The following GXYLT2 variants were observed in gnomAD, a reference collection of about 807,000 sequenced individuals.
The protein encoded by GXYLT2 is glucoside xylosyltransferase 2.
GXYLT2 carries 53 observed loss-of-function variants against 45.8 expected under a neutral mutation model. The observed-to-expected ratio is 1.16, with a 90% CI of 0.93 to 1.46. The LOEUF (loss-of-function observed/expected upper bound fraction) is 1.46. Ranked by LOEUF, GXYLT2 falls within the 40% of genes most tolerant of loss-of-function variation. The pLI, the probability that GXYLT2 is intolerant of heterozygous loss-of-function variation, is 0.00. For missense variants in GXYLT2, 551 were observed against 544.4 expected, an observed-to-expected ratio of 1.01 and a Z score of -0.12; for synonymous variants, 219 against 214.2, an observed-to-expected ratio of 1.02 and a Z score of -0.19.
chr3:72,953,045 C>G (rs191387028), intron 3 of GXYLT2, among the ~76,000 whole-genome samples: 151 of 152,128 alleles, frequency 9.9e-4, no homozygotes, highest in Admixed American at 2.2e-3. Flanking sequence ...CTCAAATCAC[C>G]CAGCAAAGCT....
chr3:72,933,131 G>A (rs972826357), intron 3 of GXYLT2, among the ~76,000 whole-genome samples: 3 of 152,050 alleles, frequency 2.0e-5, no homozygotes, highest in African/African-American at 7.3e-5. Context: ...ATTTTTTTAG[G>A]ACTGATATGT....
chr3:72,912,628 G>T (rs1709654690), intron 2 of GXYLT2, among the ~76,000 whole-genome samples: 2 of 152,120 alleles, frequency 1.3e-5, no homozygotes, highest in Admixed American at 1.3e-4. Context: ...TACAGCTTCT[G>T]CCTGGCTCTT....
intron 2 of GXYLT2, among the ~76,000 whole-genome samples, chr3:72,913,931 A>G (rs944348633): frequency 3.3e-5 from 5 of 152,078 alleles, no homozygotes; most frequent in African/African-American, 1.2e-4. Flanking sequence ...TCCCACAAAG[A>G]TTCTCTGGAA....
At chr3:72,924,613 A>G (rs942905999) in intron 3 of GXYLT2, among the ~76,000 whole-genome samples, 1 of 152,156 alleles carries the variant, frequency 6.6e-6, no homozygotes, top group African/African-American at 2.4e-5. Flanking sequence ...CAGCGCAGAC[A>G]GGGTTGGTGA....
At chr3:72,920,818 ATT>A (rs11314689) in intron 2 of GXYLT2, among the ~76,000 whole-genome samples, 24 of 137,890 alleles carry the variant, frequency 1.7e-4, no homozygotes, top group African/African-American at 3.5e-4. Flanking sequence ...ATATATATGT[ATT>A]TTTTTTTTTT....
chr3:72,888,344 G>T lies in GXYLT2; in HGVS notation c.111G>T (p.Ala37=). 2.0e-6 allele frequency: 2 copies of T among 983,458 alleles called. No homozygotes were observed. The highest frequency in any genetic ancestry group is 2.4e-6 in the Non-Finnish European group (2 of 830,412). The allele number at this position is 983,458 out of a possible 1,614,324, so 60.9% of individuals were successfully genotyped here. A position where few individuals can be genotyped will look rare whatever the true frequency, so the allele number is the denominator to read the frequency against. ...GCGCTGAGCCCCCAGCGCTGCCCGC[G>T]CGCCCCGCGTCCGCCCCGCAGCGCC... The part of the protein sequence containing the change: ...AGRAEPPALP[A]RPASAPQRHP... The change falls in exon 1 of 7, where the codon GCG becomes GCT. Residue 37 remains alanine, a synonymous_variant. Transcript: ENST00000389617.
At chr3:72,923,761 G>A (rs1423459098) in intron 3 of GXYLT2, among the ~76,000 whole-genome samples, 2 of 152,124 alleles carry the variant, frequency 1.3e-5, no homozygotes, top group South Asian at 4.1e-4. Context: ...GTTCCATCCT[G>A]GTCTGAGAGA....
intron 2 of GXYLT2, among the ~76,000 whole-genome samples, chr3:72,915,329 A>C: frequency 1.0e-5 from 1 of 98,798 alleles, no homozygotes; most frequent in East Asian, 3.6e-4. Context: ...CCTCTTCGTT[A>C]CCCATTTCCT....
At chr3:72,947,791 A>G (rs1710439788) in intron 3 of GXYLT2, among the ~76,000 whole-genome samples, 2 of 152,102 alleles carry the variant, frequency 1.3e-5, no homozygotes, top group Non-Finnish European at 2.9e-5. Flanking sequence ...AACAGGAGCA[A>G]AACTCCATCT....
intron 6 of GXYLT2, among the ~76,000 whole-genome samples, chr3:72,968,244 T>C (rs1227370108): frequency 6.6e-6 from 1 of 152,088 alleles, no homozygotes; most frequent in Non-Finnish European, 1.5e-5. Context: ...AAAATGTTGG[T>C]ATTACAGGTG....
In GXYLT2 at chr3:72,976,430, CA is replaced by C. The variant is rs1711104677; in HGVS notation, c.*1272del. On this transcript the variant is annotated 3_prime_UTR_variant, in exon 7 of 7. Coordinates refer to ENST00000389617, the MANE Select transcript of GXYLT2 (RefSeq NM_001080393.2). ...AAACTCTTGGGCAATGGGTGGAAATCAGAGACCAACTTCAAATTTAATGTGT... is the reference window on the plus strand; with the variant it reads ...AAACTCTTGGGCAATGGGTGGAAATCGAGACCAACTTCAAATTTAATGTGT... The C allele has an allele frequency of 6.6e-6, 1 of 152,176 alleles. No homozygotes were observed. Among genetic ancestry groups the C allele is most frequent in the African/African-American group, 2.4e-5 (1 of 41,428 alleles). The allele number at this position is 152,176 out of a possible 1,614,324, so 9.4% of individuals were successfully genotyped here. A position where few individuals can be genotyped will look rare whatever the true frequency, so the allele number is the denominator to read the frequency against.
chr3:72,942,331 T>C (rs1303463760), intron 3 of GXYLT2, among the ~76,000 whole-genome samples: 2 of 152,140 alleles, frequency 1.3e-5, no homozygotes, highest in African/African-American at 2.4e-5. Context: ...CTCTTCCTTA[T>C]AGAAAATTCC....
intron 1 of GXYLT2, among the ~76,000 whole-genome samples, chr3:72,897,270 G>A (rs529061639): frequency 1.3e-5 from 2 of 152,154 alleles, no homozygotes; most frequent in Non-Finnish European, 2.9e-5. Flanking sequence ...AGCTTCAGTC[G>A]CAAGTGAAGC....
chr3:72,945,302 T>A (rs13065689), intron 3 of GXYLT2, among the ~76,000 whole-genome samples: 2 of 23,466 alleles, frequency 8.5e-5, no homozygotes, highest in African/African-American at 5.2e-4. Context: ...AATAAAAAAA[T>A]AAAAATAAAA....
At chr3:72,947,126 G>A (rs1400755208) in intron 3 of GXYLT2, among the ~76,000 whole-genome samples, 1 of 152,038 alleles carries the variant, frequency 6.6e-6, no homozygotes, top group Non-Finnish European at 1.5e-5. Flanking sequence ...TGCCCGATGA[G>A]CTACCACACC....
intron 2 of GXYLT2, among the ~76,000 whole-genome samples, chr3:72,912,833 A>G (rs1336732678): frequency 6.6e-6 from 1 of 152,158 alleles, no homozygotes; most frequent in Non-Finnish European, 1.5e-5. Context: ...TGATCCATGA[A>G]ATCTGTAAGC....
chr3:72,898,408 C>T (rs1709335682), intron 1 of GXYLT2, among the ~76,000 whole-genome samples: 1 of 152,100 alleles, frequency 6.6e-6, no homozygotes, highest in Non-Finnish European at 1.5e-5. Flanking sequence ...ATTTTAAAAT[C>T]TCAATAACAT....
At chr3:72,895,298 C>G (rs1709267857) in intron 1 of GXYLT2, among the ~76,000 whole-genome samples, 1 of 152,152 alleles carries the variant, frequency 6.6e-6, no homozygotes, top group South Asian at 2.1e-4. Flanking sequence ...ACACTGTTCC[C>G]AAGGCCAGCT....
intron 5 of GXYLT2, among the ~76,000 whole-genome samples, chr3:72,958,775 G>C (rs561131252): frequency 1.8e-4 from 27 of 151,856 alleles, no homozygotes; most frequent in African/African-American, 5.8e-4. Flanking sequence ...GAGATTACAG[G>C]AGTGTGCCAC....
Sources: gnomAD v4.1 joint callset for allele counts (sites outside exome capture counted in the v4.1 genomes callset) on GRCh38, gnomAD v4.1.1 for gene constraint, MANE v1.5 for transcripts, NCBI Gene and HGNC (gene_info 2026-07-23, HGNC 2026-07-21) for gene names.